RAMP1: variants seen among roughly 807,000 people sequenced by gnomAD.
RAMP1 encodes the protein receptor activity-modifying protein 1.
RAMP1 carries 7 observed loss-of-function variants against 8.2 expected under a neutral mutation model. The ratio of observed to expected loss-of-function variants is 0.85; its 90% confidence interval spans 0.49 to 1.60. The LOEUF (loss-of-function observed/expected upper bound fraction) is 1.60. Ranked by LOEUF, RAMP1 falls within the 40% of genes most tolerant of loss-of-function variation. The pLI is 0.00. For synonymous variants in RAMP1, 92 were observed against 84.7 expected, an observed-to-expected ratio of 1.09 and a Z score of -0.47; for missense variants, 192 against 202.4, an observed-to-expected ratio of 0.95 and a Z score of 0.31.
chr2:237,882,546 C>T (rs1443811622), intron 2 of RAMP1, among the ~76,000 whole-genome samples: 1 of 152,180 alleles, frequency 6.6e-6, no homozygotes, highest in East Asian at 1.9e-4. Flanking sequence ...GATGCCCTGC[C>T]TCCATATAAC....
chr2:237,908,765 C>T (rs192808021), intron 2 of RAMP1, among the ~76,000 whole-genome samples: 48 of 152,228 alleles, frequency 3.2e-4, no homozygotes, highest in African/African-American at 1.1e-3. Flanking sequence ...GGTGCAGGAT[C>T]GTAGGCCAGG....
chr2:237,861,611 G>C (rs1299609501), intron 1 of RAMP1, among the ~76,000 whole-genome samples: 3 of 152,168 alleles, frequency 2.0e-5, no homozygotes, highest in Non-Finnish European at 4.4e-5. Flanking sequence ...ACTTTGGGAG[G>C]CTGAGGTGGG....
At chr2:237,892,148 G>A (rs2062493084) in intron 2 of RAMP1, among the ~76,000 whole-genome samples, 1 of 152,038 alleles carries the variant, frequency 6.6e-6, no homozygotes. Flanking sequence ...TTTAACACAG[G>A]AAATTAAGTT....
intron 2 of RAMP1, among the ~76,000 whole-genome samples, chr2:237,888,094 C>T (rs1435933516): frequency 6.6e-6 from 1 of 151,974 alleles, no homozygotes. Context: ...TGCTGTGTCG[C>T]CCAGGCTGGA....
Position 237,880,207 on chromosome 2 carries a change from A to T in RAMP1, c.191+2845A>T, listed in dbSNP as rs1299087274. ...AGTCACAGACAGAATTGGTGACACT[A>T]ATCAGGTGGCTTTGAGATGGGAGAT... On this transcript the variant is annotated intron_variant, in intron 2 of 2. Transcript: ENST00000254661. Among the ~76,000 whole-genome samples, 5 of 152,168 alleles carry T rather than the reference A, an allele frequency of 3.3e-5. No homozygotes were observed. The East Asian group carries it at 9.7e-4, about 30-fold the overall frequency.
chr2:237,909,534 T>C (rs924185407), intron 2 of RAMP1, among the ~76,000 whole-genome samples: 1 of 152,040 alleles, frequency 6.6e-6, no homozygotes, highest in Non-Finnish European at 1.5e-5. Flanking sequence ...TCAGGGCTGT[T>C]CTGTGAAGCA....
Position 237,898,743 on chromosome 2 carries a change from C to A in RAMP1, c.192-12785C>A, listed in dbSNP as rs141872976. On this transcript the variant is annotated intron_variant, in intron 2 of 2. Transcript: ENST00000254661. The stretch of plus-strand genomic sequence containing the variant: ...TAGGTGGGAAGCTACACTGCGTGGG[C>A]TTTCACATCCCCAGGGCCCGGGCTG... Among the ~76,000 whole-genome samples, 186 of 152,364 alleles carry A rather than the reference C, an allele frequency of 1.2e-3. 6 individuals carry two copies. In the East Asian group the frequency reaches 0.033, roughly 27 times the overall value.
intron 2 of RAMP1, among the ~76,000 whole-genome samples, chr2:237,892,280 T>TTTC (rs1559947998): frequency 1.2e-4 from 14 of 119,084 alleles, no homozygotes; most frequent in Admixed American, 1.7e-4. Flanking sequence ...TTCTTTCTTT[T>TTTC]TTTTTTTTTT....
chr2:237,889,713 G>A (rs2062469970), intron 2 of RAMP1, among the ~76,000 whole-genome samples: 1 of 152,066 alleles, frequency 6.6e-6, no homozygotes, highest in Non-Finnish European at 1.5e-5. Context: ...TTGCAGCCCC[G>A]ACCTCCTGGG....
chr2:237,865,526 G>A lies in RAMP1; in HGVS notation c.52+5799G>A, dbSNP rs1174731447. On this transcript the variant is annotated intron_variant, in intron 1 of 2. Coordinates refer to ENST00000254661, the MANE Select transcript of RAMP1 (RefSeq NM_005855.4). This position sits in a 1 kb window ranked among gnomAD's most constrained non-coding sequence, Gnocchi z 4.2. ...ACCGTTTCTCTGAGATGCAGATTTC[G>A]CAGGGCCTCCTGTCATTTGCTGCAC... is the stretch of plus-strand genomic sequence containing the variant. Among the ~76,000 whole-genome samples the A allele has an allele frequency of 2.0e-5, 3 of 152,096 alleles. No individual in the cohort carries two copies. The highest frequency in any genetic ancestry group is 4.8e-5 in the African/African-American group (2 of 41,394).
chr2:237,907,712 C>T (rs1240438146), intron 2 of RAMP1, among the ~76,000 whole-genome samples: 1 of 152,156 alleles, frequency 6.6e-6, no homozygotes, highest in Non-Finnish European at 1.5e-5. Flanking sequence ...ATATTGTCTG[C>T]CATTTCCACT....
intron 2 of RAMP1, among the ~76,000 whole-genome samples, chr2:237,881,117 G>A (rs181622726): frequency 6.6e-6 from 1 of 152,286 alleles, no homozygotes; most frequent in East Asian, 1.9e-4. Flanking sequence ...GCAGATGCCT[G>A]CATTTTCTTA....
At chr2:237,897,789 T>TGGGG (rs2062557516) in intron 2 of RAMP1, among the ~76,000 whole-genome samples, 1 of 146,660 alleles carries the variant, frequency 6.8e-6, no homozygotes, top group Admixed American at 6.8e-5. Context: ...GGGGGGGGTT[T>TGGGG]TGTTTTTTGT....
chr2:237,877,486 C>T lies in RAMP1; in HGVS notation c.191+124C>T. 7.5e-7 allele frequency: 1 copy of T among 1,338,108 alleles called. No homozygotes were observed. The highest frequency in any genetic ancestry group is 1.0e-6 in the Non-Finnish European group (1 of 1,000,014). 82.9% of individuals were successfully genotyped at this position (1,338,108 alleles called of 1,614,324 possible). ...CTAGACCCCGGAAGGGTTCTTCCCC[C>T]AGTGGGGGGGGCCGGGATGAAGACA... On this transcript the variant is annotated intron_variant, in intron 2 of 2. Coordinates refer to ENST00000254661, the MANE Select transcript of RAMP1 (RefSeq NM_005855.4). The surrounding 1 kb of genome is among the most constrained non-coding windows in gnomAD (Gnocchi z 4.4).
intron 1 of RAMP1, among the ~76,000 whole-genome samples, chr2:237,872,086 G>A (rs1292672748): frequency 6.6e-6 from 1 of 152,218 alleles, no homozygotes; most frequent in African/African-American, 2.4e-5. Flanking sequence ...CTCCTGCGAT[G>A]GTATCGTCCA....
Position 237,859,681 on chromosome 2 carries a change from C to A in RAMP1, c.6C>A (p.Ala2=). Residue 2 remains alanine (A), a synonymous_variant, in exon 1 of 3, where the codon GCC becomes GCA. Coordinates refer to ENST00000254661, the MANE Select transcript of RAMP1 (RefSeq NM_005855.4). ...ACTCGGCACCGCTGTGCACCATGGC[C>A]CGGGCCCTGTGCCGCCTCCCGCGGC... is the stretch of plus-strand genomic sequence containing the variant. The part of the protein sequence containing the change: M[A]RALCRLPRRG... 1 of 1,509,200 alleles carries A rather than the reference C, an allele frequency of 6.6e-7. No homozygotes were observed. The highest frequency in any genetic ancestry group is 1.4e-5 in the African/African-American group (1 of 69,116). The allele number at this position is 1,509,200 out of a possible 1,614,324, so 93.5% of individuals were successfully genotyped here. A position where few individuals can be genotyped will look rare whatever the true frequency, so the allele number is the denominator to read the frequency against.
intron 2 of RAMP1, among the ~76,000 whole-genome samples, chr2:237,896,125 T>C (rs1317490802): frequency 6.6e-6 from 1 of 152,236 alleles, no homozygotes; most frequent in African/African-American, 2.4e-5. Context: ...CAGGCCCAGA[T>C]GCAGCCAGCA....
chr2:237,891,392 C>T (rs1054679784), intron 2 of RAMP1, among the ~76,000 whole-genome samples: 4 of 152,282 alleles, frequency 2.6e-5, no homozygotes, highest in Non-Finnish European at 5.9e-5. Flanking sequence ...CCTCGTGATC[C>T]GCCTGCCTCG....
chr2:237,903,293 T>C (rs2062623943), intron 2 of RAMP1, among the ~76,000 whole-genome samples: 2 of 152,252 alleles, frequency 1.3e-5, no homozygotes, highest in South Asian at 2.1e-4. Flanking sequence ...TTCATAATTA[T>C]AAATCTGCAG....
Sources: allele counts gnomAD v4.1 joint callset (sites outside exome capture counted in the v4.1 genomes callset), GRCh38; gene constraint gnomAD v4.1.1; non-coding constraint Gnocchi (gnomAD v3.1); transcripts MANE v1.5; gene names NCBI Gene and HGNC (gene_info 2026-07-23, HGNC 2026-07-21).